GALNT13: variants seen among roughly 807,000 people sequenced by gnomAD.
The protein encoded by GALNT13 is polypeptide N-acetylgalactosaminyltransferase 13.
GALNT13 carries 28 observed loss-of-function variants against 64.2 expected under a neutral mutation model. The observed-to-expected ratio is 0.44, with a 90% CI of 0.32 to 0.60. The LOEUF is 0.60. GALNT13 is among the 20% of genes least tolerant of loss of function. The pLI is 0.05. For missense variants in GALNT13, 577 were observed against 669.8 expected (o/e 0.86, Z 1.53); for synonymous variants, 214 against 224.6 (o/e 0.95, Z 0.42).
the GALNT13 span, chr2:153,446,673 A>G: frequency 1.3e-5 from 2 of 152,318 alleles, no homozygotes; most frequent in East Asian, 3.9e-4. Context: ...TACAGGGACT[A>G]CATTGATTTT....
At chr2:153,535,027 G>A in the GALNT13 span, among the ~76,000 whole-genome samples, 3 of 151,998 alleles carry the variant, frequency 2.0e-5, no homozygotes. Flanking sequence ...AAATTTTTGG[G>A]GGGTGGTATG....
chr2:153,317,306 G>A, the GALNT13 span, among the ~76,000 whole-genome samples: 5 of 151,990 alleles, frequency 3.3e-5, no homozygotes, highest in African/African-American at 9.7e-5. Context: ...CCTAACACCT[G>A]CAGAGGTTCA....
chr2:153,294,126 C>CTTCT, the GALNT13 span, among the ~76,000 whole-genome samples: 1 of 151,942 alleles, frequency 6.6e-6, no homozygotes, highest in African/African-American at 2.4e-5. Context: ...CCTGGCCTAT[C>CTTCT]TTTTCTTTTT....
intron 3 of GALNT13, among the ~76,000 whole-genome samples, chr2:154,059,168 G>C (rs1228778280): frequency 6.6e-6 from 1 of 152,198 alleles, no homozygotes; most frequent in Non-Finnish European, 1.5e-5. Flanking sequence ...CTGAATGAAG[G>C]AAAATATTTG....
At chr2:154,038,161 G>A (rs1352176912) in intron 3 of GALNT13, among the ~76,000 whole-genome samples, 4 of 152,028 alleles carry the variant, frequency 2.6e-5, no homozygotes, top group Non-Finnish European at 4.4e-5. Context: ...CACGCTCATG[G>A]ATTGAAAGAA....
chr2:153,335,252 T>C, the GALNT13 span, among the ~76,000 whole-genome samples: 1 of 152,160 alleles, frequency 6.6e-6, no homozygotes, highest in East Asian at 1.9e-4. Context: ...TGGGGCATTG[T>C]TGAATAGATA....
chr2:154,289,159 G>A (rs1692455972), intron 8 of GALNT13, among the ~76,000 whole-genome samples: 1 of 152,150 alleles, frequency 6.6e-6, no homozygotes, highest in Non-Finnish European at 1.5e-5. Context: ...CCAAAGTTTG[G>A]GGCTTGCACC....
chr2:154,275,128 A>T (rs1010508217), intron 8 of GALNT13, among the ~76,000 whole-genome samples: 1 of 152,192 alleles, frequency 6.6e-6, no homozygotes, highest in Non-Finnish European at 1.5e-5. Context: ...AAGAAGAAGC[A>T]GAGCCTAAAA....
the GALNT13 span, among the ~76,000 whole-genome samples, chr2:153,694,760 A>G: frequency 5.9e-5 from 9 of 152,204 alleles, no homozygotes; most frequent in Admixed American, 5.9e-4. Flanking sequence ...AAAATGAAAG[A>G]TGAGAGAATT....
the GALNT13 span, among the ~76,000 whole-genome samples, chr2:153,336,448 G>A: frequency 6.6e-6 from 1 of 152,164 alleles, no homozygotes; most frequent in Non-Finnish European, 1.5e-5. Context: ...TGTGAGACCT[G>A]GAGTTGAATG....
the GALNT13 span, among the ~76,000 whole-genome samples, chr2:153,463,107 C>A: frequency 1.3e-5 from 2 of 152,042 alleles, no homozygotes; most frequent in South Asian, 4.1e-4. Context: ...ACTCTTTATT[C>A]AATCCAGGTA....
the GALNT13 span, chr2:153,357,374 C>T: frequency 6.6e-6 from 1 of 152,132 alleles, no homozygotes; most frequent in African/African-American, 2.4e-5. Context: ...TTCTTTATTA[C>T]ATTGCATTAC....
chr2:154,353,807 C>G (rs1696555261), intron 9 of GALNT13, among the ~76,000 whole-genome samples: 1 of 152,088 alleles, frequency 6.6e-6, no homozygotes, highest in African/African-American at 2.4e-5. Context: ...GCCACATTTC[C>G]TTTATCCAGT....
chr2:153,434,902 C>T, the GALNT13 span, among the ~76,000 whole-genome samples: 1 of 152,072 alleles, frequency 6.6e-6, no homozygotes, highest in Non-Finnish European at 1.5e-5. Context: ...GAAGTCCTTG[C>T]CCATGCCTAT....
chr2:153,912,624 G>T (rs1296127022), intron 2 of GALNT13, among the ~76,000 whole-genome samples: 1 of 151,728 alleles, frequency 6.6e-6, no homozygotes, highest in Admixed American at 6.6e-5. Context: ...GTTTAATTGT[G>T]GTATAAGGTG....
intron 4 of GALNT13, among the ~76,000 whole-genome samples, chr2:154,231,274 T>C (rs1305713935): frequency 6.6e-6 from 1 of 152,076 alleles, no homozygotes; most frequent in Admixed American, 6.6e-5. Flanking sequence ...TCAAAGGCAA[T>C]TTCTTTCATA....
chr2:153,464,598 T>A, the GALNT13 span, among the ~76,000 whole-genome samples: 1 of 152,074 alleles, frequency 6.6e-6, no homozygotes, highest in Non-Finnish European at 1.5e-5. Context: ...CATAAAATTA[T>A]ATTATAGCGA....
chr2:154,431,054 T>C (rs1700689373), intron 11 of GALNT13, among the ~76,000 whole-genome samples: 1 of 152,196 alleles, frequency 6.6e-6, no homozygotes, highest in Non-Finnish European at 1.5e-5. Flanking sequence ...ATACTTGTTT[T>C]ATTATAGTGA....
chr2:153,228,651 G>A, the GALNT13 span, among the ~76,000 whole-genome samples: 1 of 151,996 alleles, frequency 6.6e-6, no homozygotes, highest in Non-Finnish European at 1.5e-5. Flanking sequence ...GAGGCAGGTG[G>A]ATCACCAGGT....
Sources: allele counts gnomAD v4.1 joint callset (sites outside exome capture counted in the v4.1 genomes callset), GRCh38; gene constraint gnomAD v4.1.1; transcripts MANE v1.5; gene names NCBI Gene and HGNC (gene_info 2026-07-23, HGNC 2026-07-21).